LRRTM4: variants seen among roughly 807,000 people sequenced by gnomAD.
LRRTM4 encodes the protein leucine-rich repeat transmembrane neuronal protein 4.
In LRRTM4, 25 loss-of-function variants were observed where a neutral mutation model predicts 47.6. The observed-to-expected ratio is 0.53, with a 90% confidence interval of 0.38 to 0.73. LRRTM4 has a LOEUF of 0.73. Ranked by LOEUF, LRRTM4 falls within the 30% of genes least tolerant of loss-of-function variation. The probability of loss-of-function intolerance (pLI) is 0.00; values close to 1 mark genes in which losing one functional copy is unlikely to be tolerated. For missense variants in LRRTM4, 638 were observed against 713.4 expected (o/e 0.89, Z 1.20); for synonymous variants, 311 against 269.5 (o/e 1.15, Z -1.51).
chr2:76,885,370 C>A (rs776787220), intron 3 of LRRTM4, among the ~76,000 whole-genome samples: 2 of 151,768 alleles, frequency 1.3e-5, no homozygotes, highest in Admixed American at 6.6e-5. Flanking sequence ...CTAGCATGTG[C>A]TCAATATATG....
chr2:77,254,766 T>G (rs955082555), intron 3 of LRRTM4, among the ~76,000 whole-genome samples: 7 of 151,704 alleles, frequency 4.6e-5, no homozygotes, highest in African/African-American at 1.7e-4. Context: ...AGAAAATACT[T>G]AAAAATTCTA....
At chr2:77,321,925 A>T (rs1018805300) in intron 3 of LRRTM4, among the ~76,000 whole-genome samples, 2 of 152,192 alleles carry the variant, frequency 1.3e-5, no homozygotes, top group Non-Finnish European at 2.9e-5. Flanking sequence ...AATTCAATAG[A>T]ACTCATTTTC....
At chr2:76,934,611 G>A (rs1674879782) in intron 3 of LRRTM4, among the ~76,000 whole-genome samples, 1 of 152,058 alleles carries the variant, frequency 6.6e-6, no homozygotes, top group South Asian at 2.1e-4. Flanking sequence ...TTCCCACCGT[G>A]GCCAATTTCA....
At chr2:77,406,822 A>G (rs909655592) in intron 3 of LRRTM4, among the ~76,000 whole-genome samples, 3 of 152,160 alleles carry the variant, frequency 2.0e-5, no homozygotes, top group Non-Finnish European at 4.4e-5. Flanking sequence ...AAATTTTCAA[A>G]TAACAAGAAA....
At chr2:77,359,082 G>C (rs1438595529) in intron 3 of LRRTM4, among the ~76,000 whole-genome samples, 1 of 151,916 alleles carries the variant, frequency 6.6e-6, no homozygotes, top group African/African-American at 2.4e-5. Context: ...TAATCACCAA[G>C]TTTTTAAAGT....
At chr2:76,768,105 T>A (rs745328742) in intron 3 of LRRTM4, among the ~76,000 whole-genome samples, 11 of 152,192 alleles carry the variant, frequency 7.2e-5, no homozygotes, top group Non-Finnish European at 1.6e-4. Flanking sequence ...TATGTGCATA[T>A]TATATAGAGA....
intron 3 of LRRTM4, among the ~76,000 whole-genome samples, chr2:77,272,458 G>A (rs1676226064): frequency 1.3e-5 from 2 of 152,100 alleles, no homozygotes; most frequent in Admixed American, 1.3e-4. Flanking sequence ...AGAAGACATG[G>A]AGATCTCACA....
chr2:77,215,217 G>C (rs1285840415), intron 3 of LRRTM4, among the ~76,000 whole-genome samples: 1 of 151,986 alleles, frequency 6.6e-6, no homozygotes, highest in Non-Finnish European at 1.5e-5. Flanking sequence ...ATTTATGAGA[G>C]ACAAAAATCC....
chr2:77,178,275 A>C (rs567942191), intron 3 of LRRTM4, among the ~76,000 whole-genome samples: 63 of 152,280 alleles, frequency 4.1e-4, no homozygotes, highest in African/African-American at 1.3e-3. Flanking sequence ...AATTTGAAAT[A>C]ATTCTGGGTA....
chr2:77,046,955 T>A (rs1003459247), intron 3 of LRRTM4, among the ~76,000 whole-genome samples: 1 of 152,036 alleles, frequency 6.6e-6, no homozygotes, highest in Non-Finnish European at 1.5e-5. Flanking sequence ...TGCTAACTTG[T>A]TCTGCATGAG....
At chr2:77,092,386 C>A (rs2103889763) in intron 3 of LRRTM4, among the ~76,000 whole-genome samples, 1 of 150,722 alleles carries the variant, frequency 6.6e-6, no homozygotes, top group East Asian at 2.0e-4. Flanking sequence ...GGCCTAATTG[C>A]CACACACCAG....
At chr2:77,415,438 A>C (rs554243202) in intron 3 of LRRTM4, among the ~76,000 whole-genome samples, 128 of 152,268 alleles carry the variant, frequency 8.4e-4, no homozygotes, top group African/African-American at 3.0e-3. Flanking sequence ...GTAACTATCA[A>C]GATTTCTTAC....
At chr2:76,796,704 A>C (rs1675345354) in intron 3 of LRRTM4, among the ~76,000 whole-genome samples, 1 of 134,666 alleles carries the variant, frequency 7.4e-6, no homozygotes, top group African/African-American at 3.0e-5. Context: ...AACCACAAAG[A>C]CAGGGAAAAA....
chr2:76,807,378 C>T (rs1263384912), intron 3 of LRRTM4, among the ~76,000 whole-genome samples: 3 of 101,494 alleles, frequency 3.0e-5, no homozygotes, highest in African/African-American at 6.8e-5. Context: ...TATAAACATT[C>T]ATTTTATATA....
intron 3 of LRRTM4, among the ~76,000 whole-genome samples, chr2:76,797,631 T>C: frequency 6.6e-6 from 1 of 151,462 alleles, no homozygotes; most frequent in East Asian, 2.0e-4. Flanking sequence ...ACTTTAAATG[T>C]AAATGGACTA....
chr2:76,981,538 A>G (rs1397614678), intron 3 of LRRTM4, among the ~76,000 whole-genome samples: 1 of 152,080 alleles, frequency 6.6e-6, no homozygotes, highest in Non-Finnish European at 1.5e-5. Context: ...TCTGTCGCCT[A>G]GACTGAAGTG....
At chr2:77,165,709 C>T (rs537619355) in intron 3 of LRRTM4, among the ~76,000 whole-genome samples, 1 of 152,102 alleles carries the variant, frequency 6.6e-6, no homozygotes, top group Admixed American at 6.5e-5. Context: ...AGACAAAAAC[C>T]ACATGATTAT....
chr2:77,117,107 C>T (rs370906488), intron 3 of LRRTM4, among the ~76,000 whole-genome samples: 4 of 152,100 alleles, frequency 2.6e-5, no homozygotes, highest in South Asian at 4.1e-4. Flanking sequence ...GAAGTTTATC[C>T]ATTTTACAGC....
chr2:77,218,454 C>T (rs1674520692), intron 3 of LRRTM4, among the ~76,000 whole-genome samples: 2 of 152,012 alleles, frequency 1.3e-5, no homozygotes, highest in Admixed American at 6.6e-5. Context: ...TTTCTTACCC[C>T]ATAAATCCCA....
Sources: gnomAD v4.1 joint callset for allele counts (sites outside exome capture counted in the v4.1 genomes callset) on GRCh38, gnomAD v4.1.1 for gene constraint, MANE v1.5 for transcripts, NCBI Gene and HGNC (gene_info 2026-07-23, HGNC 2026-07-21) for gene names.